Variants in MARCHF4 observed in about 807,000 individuals in gnomAD.
MARCHF4 encodes the protein E3 ubiquitin-protein ligase MARCHF4.
MARCHF4 carries 14 observed loss-of-function variants against 43.9 expected under a neutral mutation model. That is an observed-to-expected ratio of 0.32 (90% CI 0.21 to 0.50). The LOEUF is 0.50. Ranked by LOEUF, MARCHF4 falls within the 20% of genes least tolerant of loss-of-function variation. The pLI is 0.98. For missense variants in MARCHF4, 468 were observed against 536.7 expected, an observed-to-expected ratio of 0.87 and a Z score of 1.27; for synonymous variants, 226 against 213.3, an observed-to-expected ratio of 1.06 and a Z score of -0.52.
intron 3 of MARCHF4, among the ~76,000 whole-genome samples, chr2:216,275,492 T>C (rs1691004629): frequency 6.6e-6 from 1 of 152,188 alleles, no homozygotes; most frequent in African/African-American, 2.4e-5. Context: ...AGACAGCTAA[T>C]GGAATGAGCA....
At position 216,323,366 on chromosome 2, in the gene MARCHF4, A is replaced by C. The variant is rs1267010624; in HGVS notation, c.517-39637T>G. ...CAGCACTTGGTAAAATGGAGATAAT[A>C]ATAGTATCTACTGCACTGTCAACAT... On this transcript the variant is annotated intron_variant, in intron 1 of 3. Coordinates refer to ENST00000273067, the MANE Select transcript of MARCHF4 (RefSeq NM_020814.3). Among the ~76,000 whole-genome samples the C allele has an allele frequency of 2.0e-5, 3 of 152,186 alleles. No homozygotes were observed. The East Asian group carries it at 5.8e-4, about 29-fold the overall frequency.
intron 1 of MARCHF4, among the ~76,000 whole-genome samples, chr2:216,348,943 G>T (rs1692360567): frequency 1.3e-5 from 2 of 151,988 alleles, no homozygotes; most frequent in Admixed American, 6.6e-5. Flanking sequence ...CTTCATTGTT[G>T]TTTATCCTTG....
At chr2:216,363,241 C>T (rs1168060053) in intron 1 of MARCHF4, among the ~76,000 whole-genome samples, 1 of 152,216 alleles carries the variant, frequency 6.6e-6, no homozygotes, top group Non-Finnish European at 1.5e-5. Context: ...TTGGTCAGCT[C>T]ACCCCAAGCT....
chr2:216,283,045 C>T (rs1324197292), intron 2 of MARCHF4, among the ~76,000 whole-genome samples: 1 of 152,188 alleles, frequency 6.6e-6, no homozygotes, highest in African/African-American at 2.4e-5. Flanking sequence ...AGATCAATTA[C>T]ATGCACATTG....
At chr2:216,264,908 C>T (rs145395154) in intron 3 of MARCHF4, among the ~76,000 whole-genome samples, 2 of 152,280 alleles carry the variant, frequency 1.3e-5, no homozygotes, top group Non-Finnish European at 2.9e-5. Flanking sequence ...GAGGGAAAAG[C>T]ACAAACTACC....
intron 1 of MARCHF4, among the ~76,000 whole-genome samples, chr2:216,354,164 T>C (rs1341426476): frequency 6.6e-5 from 10 of 152,086 alleles, no homozygotes; most frequent in Non-Finnish European, 1.3e-4. Flanking sequence ...AGTAAGCACA[T>C]CTCTCCCATC....
intron 1 of MARCHF4, among the ~76,000 whole-genome samples, chr2:216,333,168 T>C (rs917476133): frequency 6.6e-6 from 1 of 152,206 alleles, no homozygotes; most frequent in Non-Finnish European, 1.5e-5. Flanking sequence ...ATTAAGAACA[T>C]TAGCTCAGCC....
intron 1 of MARCHF4, among the ~76,000 whole-genome samples, chr2:216,343,289 G>A (rs1484109521): frequency 6.6e-6 from 1 of 152,180 alleles, no homozygotes; most frequent in Admixed American, 6.5e-5. Context: ...TCTGAGATCA[G>A]GGTGCCAGCA....
chr2:216,333,960 ATTTT>A (rs72435745), intron 1 of MARCHF4, among the ~76,000 whole-genome samples: 1 of 144,030 alleles, frequency 6.9e-6, no homozygotes, highest in South Asian at 2.2e-4. Context: ...GGCTGAAGTA[ATTTT>A]TTTTTTTTTT....
chr2:216,356,296 T>G (rs1045201882), intron 1 of MARCHF4, among the ~76,000 whole-genome samples: 5 of 152,210 alleles, frequency 3.3e-5, no homozygotes, highest in Admixed American at 3.3e-4. Flanking sequence ...GTGTCCCTCT[T>G]GTCAATCTCA....
intron 1 of MARCHF4, among the ~76,000 whole-genome samples, chr2:216,363,655 G>GA (rs1692622561): frequency 6.6e-6 from 1 of 152,144 alleles, no homozygotes; most frequent in South Asian, 2.1e-4. Flanking sequence ...CCTTTCCCAG[G>GA]ATGGTTTTGT....
intron 1 of MARCHF4, among the ~76,000 whole-genome samples, chr2:216,354,906 T>TCTTTCTTCCTTC (rs1559106511): frequency 4.3e-5 from 3 of 69,422 alleles, no homozygotes; most frequent in Admixed American, 1.6e-4. Flanking sequence ...TTTCTTTCTT[T>TCTTTCTTCCTTC]CTTTCTTTCT....
chr2:216,320,317 AT>A (rs1247672509), intron 1 of MARCHF4, among the ~76,000 whole-genome samples: 1 of 152,222 alleles, frequency 6.6e-6, no homozygotes, highest in African/African-American at 2.4e-5. Context: ...AGTTTAGTGA[AT>A]AATAAACACT....
chr2:216,340,961 G>T (rs113315604), intron 1 of MARCHF4, among the ~76,000 whole-genome samples: 232 of 152,230 alleles, frequency 1.5e-3, no homozygotes, highest in Non-Finnish European at 2.1e-3. Flanking sequence ...AAGCCCCCTG[G>T]CTTGGAAAGT....
intron 1 of MARCHF4, among the ~76,000 whole-genome samples, chr2:216,291,864 C>A (rs1264172224): frequency 6.6e-6 from 1 of 152,182 alleles, no homozygotes; most frequent in Non-Finnish European, 1.5e-5. Context: ...GAGGTTGTTA[C>A]TTGCTCAAGA....
intron 3 of MARCHF4, among the ~76,000 whole-genome samples, chr2:216,263,966 C>T (rs1054130617): frequency 6.6e-6 from 1 of 151,948 alleles, no homozygotes; most frequent in African/African-American, 2.4e-5. Flanking sequence ...GAGATGATCA[C>T]ACGGTGGGCT....
At chr2:216,356,639 A>AT (rs1485141544) in intron 1 of MARCHF4, among the ~76,000 whole-genome samples, 24 of 152,184 alleles carry the variant, frequency 1.6e-4, no homozygotes. Context: ...GTAATTCACA[A>AT]TTATTCCAAG....
chr2:216,322,060 G>A (rs914747258), intron 1 of MARCHF4, among the ~76,000 whole-genome samples: 17 of 152,154 alleles, frequency 1.1e-4, no homozygotes, highest in Non-Finnish European at 2.4e-4. Flanking sequence ...TAAACTGACC[G>A]CAAGCATTGT....
intron 1 of MARCHF4, among the ~76,000 whole-genome samples, chr2:216,296,651 A>G (rs1322792466): frequency 6.6e-6 from 1 of 152,222 alleles, no homozygotes; most frequent in Non-Finnish European, 1.5e-5. Flanking sequence ...GGGGAATGGG[A>G]GAAAGAAAAA....
Sources: allele counts gnomAD v4.1 joint callset (sites outside exome capture counted in the v4.1 genomes callset), GRCh38; gene constraint gnomAD v4.1.1; transcripts MANE v1.5; gene names NCBI Gene and HGNC (gene_info 2026-07-23, HGNC 2026-07-21).